Variants in ADAP1 observed in about 807,000 individuals in gnomAD.
ADAP1 encodes the protein arf-GAP with dual PH domain-containing protein 1.
Under a neutral mutation model 54.9 loss-of-function variants are expected in ADAP1, and 31 were observed. That is an observed-to-expected ratio of 0.56 (90% confidence interval 0.42 to 0.76). The LOEUF is 0.76. Among genes scored for constraint, ADAP1 ranks in the 30% least tolerant of loss-of-function variants. The probability of loss-of-function intolerance (pLI) is 0.00; values close to 1 mark genes in which losing one functional copy is unlikely to be tolerated. For synonymous variants in ADAP1, 313 were observed against 202.6 expected (o/e 1.55, Z -4.63); for missense variants, 535 against 512.4 (o/e 1.04, Z -0.42).
chr7:954,334 G>T, intron 1 of ADAP1, 62 bp downstream of exon 1: 1 of 633,398 alleles, frequency 1.6e-6, no homozygotes, highest in Non-Finnish European at 2.0e-6. Context: ...CCCAGGACCC[G>T]CCCGGCACCC....
intron 2 of ADAP1, among the ~76,000 whole-genome samples, chr7:929,271 G>A (rs1481875172): frequency 1.3e-5 from 2 of 148,280 alleles, no homozygotes; most frequent in African/African-American, 5.0e-5. Flanking sequence ...CAGCGTGGCT[G>A]ACAGAGCGAG....
At chr7:954,681 G>A, upstream of ADAP1, 2 of 981,816 alleles carry the variant, frequency 2.0e-6, no homozygotes, top group Non-Finnish European at 2.4e-6. Context: ...CTGAGCGAGT[G>A]CCGGCGCGGG....
intron 3 of ADAP1, among the ~76,000 whole-genome samples, chr7:924,313 CCCCT>C (rs1320461288): frequency 6.8e-5 from 3 of 44,408 alleles, no homozygotes; most frequent in Non-Finnish European, 1.3e-4. Flanking sequence ...CCACGCTGCA[CCCCT>C]CCCCCACCCT....
At chr7:904,976 G>T in intron 5 of ADAP1, 84 bp downstream of exon 5, 1 of 1,218,118 alleles carries the variant, frequency 8.2e-7, no homozygotes, top group Non-Finnish European at 1.2e-6. Flanking sequence ...GCTGCGGATG[G>T]ACGCGGCCAC....
intron 6 of ADAP1, 26 bp from the exon 7 acceptor site, chr7:900,642 T>TGGGCTGAGGAGGCTGCA (rs1554270308): frequency 2.0e-6 from 3 of 1,489,882 alleles, no homozygotes; most frequent in African/African-American, 3.9e-5. Flanking sequence ...GGCACAGGCT[T>TGGGCTGAGGAGGCTGCA]GGGCTGAGGA....
Position 905,101 on chromosome 7 carries a change from T to A in ADAP1, c.460A>T (p.Thr154Ser). The change falls in exon 5 of 11, where the codon ACA becomes TCA. Residue 154 changes from threonine to serine, a missense_variant. By Grantham distance (58) the Thr-to-Ser change is moderately conservative. Coordinates refer to ENST00000265846, the MANE Select transcript of ADAP1 (RefSeq NM_006869.4). ...TACTTCAGAGCACCCTCTCGTTCTGTCAGCACAAACTTCCGGCTCAAAAAC... is the reference window on the plus strand; with the variant it reads ...TACTTCAGAGCACCCTCTCGTTCTGACAGCACAAACTTCCGGCTCAAAAAC... Reference protein sequence around the residue: ...GQFLSRKFVLTEREGALKYFN... With the variant: ...GQFLSRKFVLSEREGALKYFN... The A allele has an allele frequency of 6.2e-7, 1 of 1,612,432 alleles. No homozygotes were observed. Among genetic ancestry groups the A allele is most frequent in the Non-Finnish European group, 8.5e-7 (1 of 1,179,904 alleles).
At chr7:914,732 G>A (rs547971951) in intron 4 of ADAP1, among the ~76,000 whole-genome samples, 6 of 152,298 alleles carry the variant, frequency 3.9e-5, no homozygotes, top group African/African-American at 9.6e-5. Context: ...CAAGGAGACA[G>A]GCAGGGCATC....
intron 4 of ADAP1, among the ~76,000 whole-genome samples, chr7:911,316 C>T (rs577834781): frequency 2.6e-4 from 39 of 152,220 alleles, no homozygotes; most frequent in African/African-American, 8.7e-4. Context: ...CCCACTCACA[C>T]ACGGGTTCAC....
intron 3 of ADAP1, among the ~76,000 whole-genome samples, chr7:921,714 G>A (rs1344401661): frequency 1.3e-5 from 2 of 152,346 alleles, no homozygotes; most frequent in African/African-American, 4.8e-5. Flanking sequence ...CTCCGGCTGT[G>A]TGACCACGGA....
intron 4 of ADAP1, 120 bp from the exon 5 acceptor site, chr7:905,292 C>CGGACGGGGGGACACGGACGGGGGGAG (rs1845069923): frequency 3.6e-6 from 1 of 276,096 alleles, no homozygotes; most frequent in Non-Finnish European, 6.3e-6. Context: ...GGACGGGGGA[C>CGGACGGGGGGACACGGACGGGGGGAG]ACGGACAGGG....
At chr7:900,875 AGGG>A in intron 6 of ADAP1, 1 of 617,008 alleles carries the variant, frequency 1.6e-6, no homozygotes, top group South Asian at 1.5e-5. Flanking sequence ...GAAGGGCCGA[AGGG>A]CCGAAGGGCC....
chr7:918,240 A>G (rs1846014978), intron 4 of ADAP1, among the ~76,000 whole-genome samples: 1 of 152,160 alleles, frequency 6.6e-6, no homozygotes, highest in African/African-American at 2.4e-5. Flanking sequence ...TTTCTAAGAC[A>G]GAGTCTTGCT....
At chr7:916,767 G>A (rs1002210597) in intron 4 of ADAP1, among the ~76,000 whole-genome samples, 2 of 152,070 alleles carry the variant, frequency 1.3e-5, no homozygotes, top group Admixed American at 6.5e-5. Context: ...GGGGGGGCAG[G>A]AGCTGCCCTG....
intron 6 of ADAP1, among the ~76,000 whole-genome samples, chr7:903,282 C>G (rs73672460): frequency 1.1e-3 from 174 of 152,226 alleles, no homozygotes; most frequent in African/African-American, 4.0e-3. Context: ...CAGCGGAGCA[C>G]GGCAGGCAGG....
At position 898,702 on chromosome 7, in the gene ADAP1, T is replaced by C. The variant is rs1844625620; in HGVS notation, c.*219A>G. ...TGGCTGGGTGTGGTCAGCAGCAGCA[T>C]GACGGGGTTAGAGATCAGGCCCAGG... On this transcript the variant is annotated 3_prime_UTR_variant, in exon 11 of 11. Coordinates refer to ENST00000265846, the MANE Select transcript of ADAP1 (RefSeq NM_006869.4). The C allele has an allele frequency of 1.6e-6, 1 of 620,446 alleles. No individual in the cohort carries two copies. 38.4% of individuals were successfully genotyped at this position (620,446 alleles called of 1,614,324 possible).
At position 920,910 on chromosome 7, in the gene ADAP1, A is replaced by G; in HGVS notation, c.306-860T>C. ...ATTACGCGGCAAAGAACAAATAGGA[A>G]CCCTGTGGCTTCCTGCTGGGCCCAC... On this transcript the variant is annotated intron_variant, in intron 3 of 10. Coordinates refer to ENST00000265846, the MANE Select transcript of ADAP1 (RefSeq NM_006869.4). This position sits in a 1 kb window ranked among gnomAD's most constrained non-coding sequence, Gnocchi z 4.5. 1 of 1,537,780 alleles carries G rather than the reference A, an allele frequency of 6.5e-7. No homozygotes were observed. The highest frequency in any genetic ancestry group is 1.4e-5 in the African/African-American group (1 of 72,786).
At chr7:900,798 G>T in intron 6 of ADAP1, 182 bp from the exon 7 acceptor site, 1 of 653,818 alleles carries the variant, frequency 1.5e-6, no homozygotes, top group East Asian at 2.8e-5. Flanking sequence ...CGCTGAGGCC[G>T]GGGCTGCTAC....
chr7:935,378 C>A lies in ADAP1; in HGVS notation c.210G>T (p.Val70=). The A allele has an allele frequency of 6.4e-7, 1 of 1,558,552 alleles. No homozygotes were observed. The highest frequency in any genetic ancestry group is 8.7e-7 in the Non-Finnish European group (1 of 1,151,180). ...VRLDAWEEAQ[V]EFMASHGNDA... ...CCCCGCCCCTCCCCCTCCGTACCTC[C>A]ACTTGGGCCTCCTCCCAGGCGTCCA... Residue 70 remains valine, a synonymous_variant, in exon 2 of 11, where the codon GTG becomes GTT. Transcript: ENST00000265846.
At chr7:923,285 G>A (rs1846254914) in intron 3 of ADAP1, 1 of 151,974 alleles carries the variant, frequency 6.6e-6, no homozygotes, top group Non-Finnish European at 1.5e-5. Flanking sequence ...GGGGCTGAGG[G>A]CTCCAGGGCT....
Sources: gnomAD v4.1 joint callset for allele counts (sites outside exome capture counted in the v4.1 genomes callset) on GRCh38, gnomAD v4.1.1 for gene constraint, Gnocchi (gnomAD v3.1) non-coding constraint, MANE v1.5 for transcripts, NCBI Gene and HGNC (gene_info 2026-07-23, HGNC 2026-07-21) for gene names.